Variants in ERBB4 observed in about 807,000 individuals in gnomAD.
ERBB4 encodes erb-b2 receptor tyrosine kinase 4, also known as receptor tyrosine-protein kinase erbB-4.
ERBB4 carries 42 observed loss-of-function variants against 158.0 expected under a neutral mutation model. The observed-to-expected ratio is 0.27, with a 90% CI of 0.21 to 0.34. The LOEUF is 0.34. Ranked by LOEUF, ERBB4 falls within the 10% of genes least tolerant of loss-of-function variation. The pLI is 1.00. For synonymous variants in ERBB4, 583 were observed against 558.7 expected, an observed-to-expected ratio of 1.04 and a Z score of -0.61; for missense variants, 1,333 against 1,624.1, an observed-to-expected ratio of 0.82 and a Z score of 3.08.
chr2:212,045,193 C>T (rs1038779029), intron 2 of ERBB4, among the ~76,000 whole-genome samples: 4 of 152,148 alleles, frequency 2.6e-5, no homozygotes, highest in African/African-American at 7.2e-5. Context: ...GGTGCAGTGG[C>T]TCATGCTTGT....
intron 1 of ERBB4, among the ~76,000 whole-genome samples, chr2:212,469,023 T>A (rs1688984876): frequency 6.6e-6 from 1 of 152,216 alleles, no homozygotes; most frequent in African/African-American, 2.4e-5. Context: ...TTTTCTAAAA[T>A]GTTAACTGTG....
At chr2:212,098,640 C>G (rs1408941163) in intron 2 of ERBB4, among the ~76,000 whole-genome samples, 1 of 151,882 alleles carries the variant, frequency 6.6e-6, no homozygotes, top group African/African-American at 2.4e-5. Context: ...ATTTTCTTTT[C>G]CAATTAGAAA....
chr2:211,415,451 T>C (rs2063369186), intron 25 of ERBB4, among the ~76,000 whole-genome samples: 1 of 152,202 alleles, frequency 6.6e-6, no homozygotes, highest in Non-Finnish European at 1.5e-5. Context: ...CATCATTGTG[T>C]CTGCATTATC....
chr2:212,128,841 A>G (rs1055954805), intron 1 of ERBB4, among the ~76,000 whole-genome samples: 1 of 152,286 alleles, frequency 6.6e-6, no homozygotes, highest in East Asian at 1.9e-4. Context: ...GGAGAAGAAG[A>G]AGAAAAAGTT....
chr2:212,326,578 C>T (rs1354477098), intron 1 of ERBB4, among the ~76,000 whole-genome samples: 2 of 150,742 alleles, frequency 1.3e-5, no homozygotes, highest in Admixed American at 1.3e-4. Context: ...CATCTCATAT[C>T]ACAGTGATGG....
intron 2 of ERBB4, among the ~76,000 whole-genome samples, chr2:212,057,732 T>G (rs1161197898): frequency 1.3e-5 from 2 of 152,048 alleles, no homozygotes; most frequent in African/African-American, 4.8e-5. Context: ...TTGAAACCAG[T>G]GAGAACAAAG....
chr2:212,041,434 T>A (rs939550123), intron 2 of ERBB4, among the ~76,000 whole-genome samples: 4 of 152,120 alleles, frequency 2.6e-5, no homozygotes, highest in African/African-American at 9.6e-5. Flanking sequence ...TGTTAAAGAA[T>A]AATTAGCACC....
chr2:211,966,395 C>T (rs1486777157), intron 2 of ERBB4, among the ~76,000 whole-genome samples: 1 of 152,046 alleles, frequency 6.6e-6, no homozygotes. Flanking sequence ...GCACCCGCCA[C>T]CACACCCAGC....
At chr2:212,092,514 C>T (rs571945480) in intron 2 of ERBB4, among the ~76,000 whole-genome samples, 46 of 152,078 alleles carry the variant, frequency 3.0e-4, no homozygotes, top group Non-Finnish European at 5.3e-4. Flanking sequence ...CTTTATAGAT[C>T]GAAGAGTGAA....
intron 2 of ERBB4, among the ~76,000 whole-genome samples, chr2:212,097,975 T>C (rs1393338446): frequency 1.3e-5 from 2 of 152,274 alleles, no homozygotes; most frequent in Admixed American, 1.3e-4. Context: ...ATATATGGGT[T>C]TGAGGGGAAT....
chr2:212,443,710 C>T (rs2092298434), intron 1 of ERBB4, among the ~76,000 whole-genome samples: 2 of 152,186 alleles, frequency 1.3e-5, no homozygotes, highest in Non-Finnish European at 2.9e-5. Context: ...TCCAATGGTG[C>T]TTGAAGTATC....
chr2:211,581,165 G>C (rs1358911639), intron 19 of ERBB4, among the ~76,000 whole-genome samples: 1 of 151,580 alleles, frequency 6.6e-6, no homozygotes, highest in African/African-American at 2.4e-5. Context: ...ATTTGGTGCA[G>C]TGTATACTGC....
At chr2:212,139,284 AAAC>A (rs1161161101) in intron 1 of ERBB4, among the ~76,000 whole-genome samples, 1 of 152,030 alleles carries the variant, frequency 6.6e-6, no homozygotes, top group Non-Finnish European at 1.5e-5. Context: ...GCAATATTTA[AAAC>A]AACACACACA....
chr2:212,303,244 A>G (rs1236154810), intron 1 of ERBB4, among the ~76,000 whole-genome samples: 1 of 151,366 alleles, frequency 6.6e-6, no homozygotes, highest in African/African-American at 2.4e-5. Flanking sequence ...TTCAGTGCTT[A>G]ATGGATTAGG....
At chr2:211,911,090 A>G (rs776433261) in intron 3 of ERBB4, among the ~76,000 whole-genome samples, 2 of 151,820 alleles carry the variant, frequency 1.3e-5, no homozygotes, top group Non-Finnish European at 1.5e-5. Context: ...TAGTAAATGA[A>G]CTCCTTTATT....
intron 5 of ERBB4, among the ~76,000 whole-genome samples, chr2:211,726,800 T>C (rs1381653879): frequency 3.9e-5 from 6 of 152,164 alleles, no homozygotes; most frequent in Non-Finnish European, 5.9e-5. Flanking sequence ...ATTCACAGTA[T>C]GAAACTTATG....
At chr2:211,640,102 A>ATTTT (rs573794721) in intron 16 of ERBB4, among the ~76,000 whole-genome samples, 2,076 of 151,436 alleles carry the variant, frequency 0.014, 56 homozygotes, top group African/African-American at 0.048. Context: ...AGCATTTTTG[A>ATTTT]TTTTTTTTTA....
rs147341422 is a variant in ERBB4, at chr2:212,432,992, T to G, written c.82+105457A>C. 8.7e-4 allele frequency among the ~76,000 whole-genome samples: 133 copies of G among 152,174 alleles called. 1 individual carries two copies. The East Asian group carries it at 0.02, about 23-fold the overall frequency. On this transcript the variant is annotated intron_variant, in intron 1 of 27. Transcript: ENST00000342788. ...CTGGAATATATGAAGGGGTATCTAGTGCTTACATTTGTAACATCGAAGGGT... is the reference window on the plus strand; with the variant it reads ...CTGGAATATATGAAGGGGTATCTAGGGCTTACATTTGTAACATCGAAGGGT...
chr2:212,280,424 C>G (rs2085710963), intron 1 of ERBB4, among the ~76,000 whole-genome samples: 1 of 151,642 alleles, frequency 6.6e-6, no homozygotes, highest in Non-Finnish European at 1.5e-5. Context: ...TTCTTTAACA[C>G]TTGCTGAAAG....
Sources: gnomAD v4.1 joint callset for allele counts (sites outside exome capture counted in the v4.1 genomes callset) on GRCh38, gnomAD v4.1.1 for gene constraint, MANE v1.5 for transcripts, NCBI Gene and HGNC (gene_info 2026-07-23, HGNC 2026-07-21) for gene names.